Variants in KCNH5 observed in about 807,000 individuals in gnomAD.
KCNH5 encodes voltage-gated delayed rectifier potassium channel KCNH5.
Under a neutral mutation model 96.1 loss-of-function variants are expected in KCNH5, and 46 were observed. That is an observed-to-expected ratio of 0.48 (90% CI 0.38 to 0.61). The LOEUF is 0.61. Among genes scored for constraint, KCNH5 ranks in the 20% least tolerant of loss-of-function variants. The pLI is 0.00. For missense variants in KCNH5, 907 were observed against 1,225.8 expected, an observed-to-expected ratio of 0.74 and a Z score of 3.88; for synonymous variants, 439 against 449.8, an observed-to-expected ratio of 0.98 and a Z score of 0.30.
intron 2 of KCNH5, among the ~76,000 whole-genome samples, chr14:63,015,048 T>C (rs1358874154): frequency 6.6e-6 from 1 of 152,048 alleles, no homozygotes; most frequent in Non-Finnish European, 1.5e-5. Context: ...AGCCACAGAT[T>C]TTCATCACTC....
chr14:62,817,179 T>C (rs1247668766), intron 8 of KCNH5, among the ~76,000 whole-genome samples: 1 of 139,146 alleles, frequency 7.2e-6, no homozygotes, highest in Non-Finnish European at 1.5e-5. Context: ...ATATATAATA[T>C]ACTATATATT....
At chr14:62,762,677 G>T (rs1447180827) in intron 10 of KCNH5, among the ~76,000 whole-genome samples, 2 of 151,444 alleles carry the variant, frequency 1.3e-5, no homozygotes, top group African/African-American at 2.4e-5. Context: ...AAAGTAAAGG[G>T]ATGGAGAAAA....
rs1884938373 is a variant in KCNH5 at position 62,726,918 on chromosome 14, AAAATTGTT to A, written c.2020-18471_2020-18464del. Among the ~76,000 whole-genome samples the A allele has an allele frequency of 2.6e-5, 4 of 152,372 alleles. No homozygotes were observed. In the South Asian group the frequency reaches 8.3e-4, roughly 32 times the overall value. ...TCAGTTGGTACAAAACTCTACAATG[AAAATTGTT>A]GAACCACAACTATAGACAACAGTGA... On this transcript the variant is annotated intron_variant, in intron 10 of 10. Coordinates refer to ENST00000322893, the MANE Select transcript of KCNH5 (RefSeq NM_139318.5).
At chr14:62,836,550 C>G (rs1225888123) in intron 8 of KCNH5, among the ~76,000 whole-genome samples, 1 of 151,980 alleles carries the variant, frequency 6.6e-6, no homozygotes, top group Admixed American at 6.6e-5. Context: ...TCAATATATC[C>G]CAAAGCACAG....
intron 5 of KCNH5, among the ~76,000 whole-genome samples, chr14:62,984,830 G>A (rs1223349326): frequency 2.0e-5 from 3 of 152,124 alleles, no homozygotes; most frequent in African/African-American, 7.2e-5. Flanking sequence ...ATGTCAAGGG[G>A]AAAGTTTCTT....
chr14:62,884,220 C>T lies in KCNH5; in HGVS notation c.1370-34368G>A, dbSNP rs145239101. On this transcript the variant is annotated intron_variant, in intron 7 of 10. Coordinates refer to ENST00000322893, the MANE Select transcript of KCNH5 (RefSeq NM_139318.5). ...TGTATCTATAATACGGCACTAACAG[C>T]GCTCAGTATGGATATAGCCCATATT... is the stretch of plus-strand genomic sequence containing the variant. 6.0e-4 allele frequency among the ~76,000 whole-genome samples: 92 copies of T among 152,262 alleles called. 1 individual carries two copies. The highest frequency in any genetic ancestry group is 3.4e-3 in the Middle Eastern group (1 of 294).
In KCNH5 at chr14:62,971,100, A is replaced by G. The variant is rs566798084; in HGVS notation, c.942+9772T>C. ...AGATGATTATCCATGAGATGAGATG[A>G]TTATCTATGTAGAAAATATGAATAA... is the stretch of plus-strand genomic sequence containing the variant. On this transcript the variant is annotated intron_variant, in intron 6 of 10. Transcript: ENST00000322893. Among the ~76,000 whole-genome samples the G allele has an allele frequency of 2.6e-5, 4 of 152,254 alleles. No homozygotes were observed. In the South Asian group the frequency reaches 6.2e-4, roughly 24 times the overall value.
intron 1 of KCNH5, among the ~76,000 whole-genome samples, chr14:63,031,947 T>G (rs539262254): frequency 2.6e-5 from 4 of 151,996 alleles, no homozygotes; most frequent in Admixed American, 6.6e-5. Flanking sequence ...CTCCCTCTCC[T>G]TTTTACCTTT....
intron 4 of KCNH5, among the ~76,000 whole-genome samples, chr14:62,999,972 T>A (rs1364526405): frequency 2.0e-5 from 3 of 151,968 alleles, no homozygotes; most frequent in Non-Finnish European, 2.9e-5. Context: ...AGGCACTGAG[T>A]CTATGTGTAA....
intron 9 of KCNH5, among the ~76,000 whole-genome samples, chr14:62,795,919 G>C (rs2139993345): frequency 6.6e-6 from 1 of 152,252 alleles, no homozygotes; most frequent in East Asian, 1.9e-4. Flanking sequence ...CTAAAAAGGA[G>C]AGAAAAAGTA....
At position 62,736,654 on chromosome 14, in the gene KCNH5, T is replaced by C. The variant is rs2139930299; in HGVS notation, c.2020-28199A>G. Among the ~76,000 whole-genome samples the C allele has an allele frequency of 1.3e-5, 2 of 152,166 alleles. 1 individual carries two copies. The highest frequency in any genetic ancestry group is 4.1e-4 in the South Asian group (2 of 4,820). On this transcript the variant is annotated intron_variant, in intron 10 of 10. Coordinates refer to ENST00000322893, the MANE Select transcript of KCNH5 (RefSeq NM_139318.5). Reference sequence around the variant, plus strand: ...GACATTCCAACCCCACCGTAAAACTTCTTCCTCACACAGAAACATTCCAAG... The same window carrying C: ...GACATTCCAACCCCACCGTAAAACTCCTTCCTCACACAGAAACATTCCAAG...
intron 8 of KCNH5, among the ~76,000 whole-genome samples, chr14:62,837,037 G>T (rs556788920): frequency 7.0e-4 from 106 of 152,300 alleles, no homozygotes; most frequent in African/African-American, 2.5e-3. Flanking sequence ...CACATAGGAT[G>T]TTTGTGATCA....
chr14:62,709,907 A>C (rs1595588631), intron 10 of KCNH5, among the ~76,000 whole-genome samples: 3 of 152,318 alleles, frequency 2.0e-5, no homozygotes, highest in Admixed American at 1.3e-4. Flanking sequence ...AGACAATTTT[A>C]TCACTCAAGG....
Position 62,706,895 on chromosome 14 carries a change from T to C in KCNH5, c.*613A>G, listed in dbSNP as rs1039268323. On this transcript the variant is annotated 3_prime_UTR_variant, in exon 11 of 11. Transcript: ENST00000322893. Reference sequence around the variant, plus strand: ...AACGAGAGGTATAGTTGATCAAAAATGTAATTCATGCACAAAACCCATAGC... The same window carrying C: ...AACGAGAGGTATAGTTGATCAAAAACGTAATTCATGCACAAAACCCATAGC... The C allele has an allele frequency of 6.6e-6, 1 of 152,170 alleles. No individual in the cohort carries two copies. Among genetic ancestry groups the C allele is most frequent in the Non-Finnish European group, 1.5e-5 (1 of 68,028 alleles). 9.4% of individuals were successfully genotyped at this position (152,170 alleles called of 1,614,324 possible). A position where few individuals can be genotyped will look rare whatever the true frequency, so the allele number is the denominator to read the frequency against.
intron 7 of KCNH5, among the ~76,000 whole-genome samples, chr14:62,895,529 C>T (rs1888793531): frequency 1.3e-5 from 2 of 152,098 alleles, no homozygotes. Context: ...GACAGGGTTT[C>T]ACTATGTTGT....
chr14:62,984,849 G>A (rs531400531), intron 5 of KCNH5, among the ~76,000 whole-genome samples: 5 of 152,172 alleles, frequency 3.3e-5, no homozygotes, highest in African/African-American at 7.2e-5. Flanking sequence ...TTTCTTTTCC[G>A]TTGATACAGT....
chr14:62,887,845 G>A (rs1314106942), intron 7 of KCNH5, among the ~76,000 whole-genome samples: 1 of 152,046 alleles, frequency 6.6e-6, no homozygotes, highest in Admixed American at 6.6e-5. Context: ...CTATTGAGTA[G>A]TCTCACATGA....
Position 62,707,823 on chromosome 14 carries a change from C to A in KCNH5, c.2652G>T (p.Pro884=), listed in dbSNP as rs143147156. The change falls in exon 11 of 11, where the codon CCG becomes CCT. Residue 884 remains proline (P), a synonymous_variant. Transcript: ENST00000322893. The part of the protein sequence containing the change: ...RLDKAGEARS[P]LEHSPIQADA... Reference sequence around the variant, plus strand: ...CAGCCTGGATGGGACTGTGCTCTAGCGGACTTCGGGCCTCCCCAGCCTTAT... The same window carrying A: ...CAGCCTGGATGGGACTGTGCTCTAGAGGACTTCGGGCCTCCCCAGCCTTAT... 1.2e-6 allele frequency: 2 copies of A among 1,613,988 alleles called. No homozygotes were observed. The highest frequency in any genetic ancestry group is 1.7e-5 in the Admixed American group (1 of 59,996).
At chr14:62,848,376 C>T (rs2355741) in intron 8 of KCNH5, among the ~76,000 whole-genome samples, 23,615 of 152,130 alleles carry the variant, frequency 0.16, 1,949 homozygotes, top group East Asian at 0.3. Context: ...AGAAATGTAG[C>T]TTGCTTTCTC....
Sources: allele counts gnomAD v4.1 joint callset (sites outside exome capture counted in the v4.1 genomes callset), GRCh38; gene constraint gnomAD v4.1.1; transcripts MANE v1.5; gene names NCBI Gene and HGNC (gene_info 2026-07-23, HGNC 2026-07-21).